GNB1L: variants seen among roughly 807,000 people sequenced by gnomAD.
The protein encoded by GNB1L is G protein subunit beta 1 like.
A neutral mutation model predicts 29.1 loss-of-function variants in GNB1L; 20 were observed. That is an observed-to-expected ratio of 0.69 (90% CI 0.48 to 1.00). GNB1L has a LOEUF of 1.00. Among genes scored for constraint, GNB1L ranks in the 50% least tolerant of loss-of-function variants. GNB1L has a pLI of 0.00. For missense variants in GNB1L, 421 were observed against 464.9 expected (o/e 0.91, Z 0.87); for synonymous variants, 193 against 206.5 (o/e 0.93, Z 0.56).
intron 2 of GNB1L, among the ~76,000 whole-genome samples, chr22:19,827,751 C>T (rs1456061068): frequency 6.6e-5 from 10 of 152,288 alleles, no homozygotes; most frequent in East Asian, 1.9e-4. Context: ...GGAGCGCACA[C>T]GGAAACGACC....
At position 19,794,496 on chromosome 22, in the gene GNB1L, A is replaced by G. The variant is rs1199065862; in HGVS notation, c.733-5536T>C. Among the ~76,000 whole-genome samples, 3 of 152,234 alleles carry G rather than the reference A, an allele frequency of 2.0e-5. No homozygotes were observed. The East Asian group carries it at 5.8e-4, about 29-fold the overall frequency. On this transcript the variant is annotated intron_variant, in intron 7 of 7. Transcript: ENST00000329517. ...AGAGGTCTAGCTAAGAAGCCAAGAG[A>G]GGAAACAAAACCGAATACTAAAAAA...
chr22:19,797,172 G>A lies in GNB1L; in HGVS notation c.732+4829C>T, dbSNP rs928164577. ...TCACTCACGACCCCCCACCTCCACC[G>A]CCCAAATGTGTCCATCCATCGGGAG... On this transcript the variant is annotated intron_variant, in intron 7 of 7. Transcript: ENST00000329517. Among the ~76,000 whole-genome samples the A allele has an allele frequency of 3.9e-5, 6 of 152,186 alleles. No homozygotes were observed. In the East Asian group the frequency reaches 5.8e-4, roughly 15 times the overall value.
chr22:19,802,221 G>A lies in GNB1L; in HGVS notation c.517-5C>T, dbSNP rs375516094. On this transcript the variant is annotated splice_region_variant and splice_polypyrimidine_tract_variant and intron_variant, in intron 6 of 7. Coordinates refer to ENST00000329517, the MANE Select transcript of GNB1L (RefSeq NM_053004.3). ...TGGGCGGGAGCTGCAGTCGGCCTGC[G>A]GGGAACAGCAGAGCAGTCAGCTCCT... 50 of 1,611,222 alleles carry A rather than the reference G, an allele frequency of 3.1e-5. 1 individual carries two copies. The highest frequency in any genetic ancestry group is 3.3e-4 in the Middle Eastern group (2 of 6,062).
chr22:19,832,753 G>T (rs530381100), intron 2 of GNB1L, among the ~76,000 whole-genome samples: 12 of 152,242 alleles, frequency 7.9e-5, no homozygotes, highest in African/African-American at 2.9e-4. Context: ...TGGCAAGGGG[G>T]GAAACTACAG....
intron 3 of GNB1L, 121 bp downstream of exon 3, chr22:19,821,107 T>G: frequency 4.1e-6 from 4 of 964,382 alleles, no homozygotes. Flanking sequence ...TCAGCAAGCC[T>G]GGGTGGCGAG....
At chr22:19,825,116 G>T (rs1937609776) in intron 2 of GNB1L, among the ~76,000 whole-genome samples, 1 of 152,236 alleles carries the variant, frequency 6.6e-6, no homozygotes, top group African/African-American at 2.4e-5. Flanking sequence ...ACAGCACAAG[G>T]ACAGGCCGCA....
chr22:19,791,754 A>T (rs954416930), intron 7 of GNB1L, among the ~76,000 whole-genome samples: 2 of 152,236 alleles, frequency 1.3e-5, no homozygotes, highest in African/African-American at 4.8e-5. Context: ...GTCAGCCTGA[A>T]TGTGAAGACT....
chr22:19,834,499 A>G (rs776174553), intron 2 of GNB1L, among the ~76,000 whole-genome samples: 3 of 152,242 alleles, frequency 2.0e-5, no homozygotes, highest in Non-Finnish European at 2.9e-5. Flanking sequence ...GTAAACATGT[A>G]TGATTGTTAA....
At chr22:19,846,517 T>C in intron 2 of GNB1L, 1 of 985,416 alleles carries the variant, frequency 1.0e-6, no homozygotes, top group Non-Finnish European at 1.2e-6. Flanking sequence ...GCCTGCCCAA[T>C]ATAGCGCTGC....
At chr22:19,796,721 A>G (rs1184909954) in intron 7 of GNB1L, among the ~76,000 whole-genome samples, 1 of 152,174 alleles carries the variant, frequency 6.6e-6, no homozygotes, top group Non-Finnish European at 1.5e-5. Context: ...CAGGGAGCCC[A>G]GCTGGACAGT....
chr22:19,821,623 G>C (rs1017110645), intron 2 of GNB1L, among the ~76,000 whole-genome samples: 1 of 152,164 alleles, frequency 6.6e-6, no homozygotes, highest in Non-Finnish European at 1.5e-5. Flanking sequence ...CCACTGCTGG[G>C]GGAACTGGGA....
chr22:19,804,928 C>A (rs1367360725), intron 6 of GNB1L, among the ~76,000 whole-genome samples: 1 of 152,246 alleles, frequency 6.6e-6, no homozygotes, highest in East Asian at 1.9e-4. Context: ...CACCCTTCCC[C>A]AGGACCTGGA....
intron 6 of GNB1L, among the ~76,000 whole-genome samples, chr22:19,805,557 C>T (rs5992485): frequency 0.043 from 6,482 of 151,834 alleles, 395 homozygotes; most frequent in African/African-American, 0.13. Flanking sequence ...CCGAAGCGGG[C>T]GGATCACGAG....
chr22:19,852,176 T>C (rs771923613), intron 2 of GNB1L: 1 of 1,614,036 alleles, frequency 6.2e-7, no homozygotes, highest in Non-Finnish European at 8.5e-7. Context: ...CTTGTCCATC[T>C]GCTGCCATGG....
At chr22:19,817,308 C>T (rs1937534880) in intron 4 of GNB1L, among the ~76,000 whole-genome samples, 1 of 152,186 alleles carries the variant, frequency 6.6e-6, no homozygotes. Flanking sequence ...TGGTGAAACC[C>T]CATCTCTAGT....
Position 19,821,250 on chromosome 22 carries a change from C to T in GNB1L, c.106G>A (p.Gly36Arg), listed in dbSNP as rs541973419. The T allele has an allele frequency of 1.9e-6, 3 of 1,612,214 alleles. No homozygotes were observed. In the South Asian group the frequency reaches 3.3e-5, roughly 18 times the overall value. ...LHFCEGAQAQ[G>R]RPLLFSGSQS... Reference sequence around the variant, plus strand: ...CACCCTGAGAAGAGGAGCGGGCGCCCCTGAGCCTGGGCTCCTTCGCAGAAG... The same window carrying T: ...CACCCTGAGAAGAGGAGCGGGCGCCTCTGAGCCTGGGCTCCTTCGCAGAAG... The change falls in exon 3 of 8, where the codon GGG (glycine) becomes AGG (arginine). Residue 36 changes from glycine (G) to arginine (R), a missense_variant. Physicochemically the swap from Gly to Arg is moderately radical, Grantham distance 125 (BLOSUM62 -2). Transcript: ENST00000329517.
rs16984264 is a variant in GNB1L at position 19,849,351 on chromosome 22, A to G, written c.-21+5092T>C. On this transcript the variant is annotated intron_variant, in intron 2 of 7. Transcript: ENST00000329517. ...ATCCCAACAATTTATATTTTTCTAA[A>G]TAAGGTTTTTGTTTTTTGTTGTTTT... 16,646 of 956,514 alleles carry G rather than the reference A, an allele frequency of 0.017. 2,083 individuals carry two copies. In the African/African-American group the frequency reaches 0.27, roughly 15 times the overall value. The allele number at this position is 956,514 out of a possible 1,614,324, so 59.3% of individuals were successfully genotyped here. A position where few individuals can be genotyped will look rare whatever the true frequency, so the allele number is the denominator to read the frequency against.
At chr22:19,838,063 C>T (rs376902548) in intron 2 of GNB1L, among the ~76,000 whole-genome samples, 6 of 152,234 alleles carry the variant, frequency 3.9e-5, no homozygotes, top group African/African-American at 1.2e-4. Context: ...GCGTCACAGA[C>T]GCCGCACTTG....
Position 19,788,991 on chromosome 22 carries a change from T to G in GNB1L, c.733-31A>C, listed in dbSNP as rs775411752. 3.1e-5 allele frequency: 48 copies of G among 1,568,548 alleles called. No individual in the cohort carries two copies. In the South Asian group the frequency reaches 5.6e-4, roughly 18 times the overall value. ...AGAGTTGGGAGAGGTGTTAGGCCAC[T>G]CCTTAAGCCCACAAGGCAGTGCTGC... On this transcript the variant is annotated intron_variant, in intron 7 of 7. Transcript: ENST00000329517.
Sources: gnomAD v4.1 joint callset for allele counts (sites outside exome capture counted in the v4.1 genomes callset) on GRCh38, gnomAD v4.1.1 for gene constraint, MANE v1.5 for transcripts, NCBI Gene and HGNC (gene_info 2026-07-23, HGNC 2026-07-21) for gene names.